FBN2: variants seen among roughly 807,000 people sequenced by gnomAD.
FBN2 encodes fibrillin-2.
Under a neutral mutation model 355.6 loss-of-function variants are expected in FBN2, and 105 were observed. The observed-to-expected ratio is 0.30, with a 90% CI of 0.25 to 0.35. FBN2 has a LOEUF of 0.35. Among genes scored for constraint, FBN2 ranks in the 10% least tolerant of loss-of-function variants. The pLI is 1.00. For synonymous variants in FBN2, 1,350 were observed against 1,301.2 expected, an observed-to-expected ratio of 1.04 and a Z score of -0.81; for missense variants, 3,280 against 3,758.7, an observed-to-expected ratio of 0.87 and a Z score of 3.33.
At chr5:128,280,910 T>C (rs1765522739) in intron 55 of FBN2, among the ~76,000 whole-genome samples, 1 of 152,228 alleles carries the variant, frequency 6.6e-6, no homozygotes, top group Admixed American at 6.5e-5. Context: ...TCTATATCCT[T>C]ACTTTTTGTG....
Position 128,310,065 on chromosome 5 carries a change from C to G in FBN2, c.5118G>C (p.Gly1706=), listed in dbSNP as rs1284156837. The change falls in exon 40 of 65, where the codon GGG becomes GGC. Residue 1706 remains glycine, a synonymous_variant. Coordinates refer to ENST00000262464, the MANE Select transcript of FBN2 (RefSeq NM_001999.4). Reference sequence around the variant, plus strand: ...AATTTCCCAGGGTGTTATAGCAGGTCCCAGGCCCACACACACCAGGATGTG... The same window carrying G: ...AATTTCCCAGGGTGTTATAGCAGGTGCCAGGCCCACACACACCAGGATGTG... ...CFAHPGVCGP[G]TCYNTLGNYT... is the part of the protein sequence containing the mutation. 1 of 1,613,550 alleles carries G rather than the reference C, an allele frequency of 6.2e-7. No individual in the cohort carries two copies. The highest frequency in any genetic ancestry group is 8.5e-7 in the Non-Finnish European group (1 of 1,179,620).
chr5:128,503,726 G>A (rs1281812080), intron 5 of FBN2, among the ~76,000 whole-genome samples: 2 of 152,168 alleles, frequency 1.3e-5, no homozygotes, highest in South Asian at 4.1e-4. Context: ...GAAAAAAATT[G>A]CAGCCTGACA....
intron 50 of FBN2, among the ~76,000 whole-genome samples, chr5:128,290,504 G>C (rs141945056): frequency 1.8e-3 from 270 of 152,284 alleles, no homozygotes; most frequent in Non-Finnish European, 3.2e-3. Flanking sequence ...TACTAACCTT[G>C]GAGGTGGGGA....
chr5:128,318,882 T>C lies in FBN2; in HGVS notation c.4591A>G (p.Thr1531Ala). 1 of 1,613,334 alleles carries C rather than the reference T, an allele frequency of 6.2e-7. No individual in the cohort carries two copies. Among genetic ancestry groups the C allele is most frequent in the Non-Finnish European group, 8.5e-7 (1 of 1,179,454 alleles). Residue 1531 changes from threonine (T) to alanine (A), a missense_variant, in exon 35 of 65, where the codon ACA becomes GCA. By Grantham distance (58) the Thr-to-Ala change is moderately conservative (BLOSUM62 0). Coordinates refer to ENST00000262464, the MANE Select transcript of FBN2 (RefSeq NM_001999.4). ...YELDRTGGNC[T>A]DIDECADPIN... is the part of the protein sequence containing the mutation. The stretch of plus-strand genomic sequence containing the variant: ...CTTAGCTGGTAACTGACCATACCTG[T>C]ACAGTTCCCTCCTGTTCTGTCCAAT...
At chr5:128,345,311 T>G in intron 24 of FBN2, 46 bp downstream of exon 24, 1 of 1,446,638 alleles carries the variant, frequency 6.9e-7, no homozygotes, top group South Asian at 1.1e-5. Flanking sequence ...TGTGGAAGGC[T>G]TCCTGTTGGT....
intron 40 of FBN2, 34 bp from the exon 41 acceptor site, chr5:128,309,433 G>T: frequency 6.3e-7 from 1 of 1,592,360 alleles, no homozygotes; most frequent in Non-Finnish European, 8.6e-7. Flanking sequence ...CTAGCCATTT[G>T]TATCCACGAG....
In FBN2 at chr5:128,414,159, C is replaced by G. The variant is rs115826222; in HGVS notation, c.953-5360G>C. Among the ~76,000 whole-genome samples the G allele has an allele frequency of 6.4e-3, 978 of 152,260 alleles. 12 individuals carry two copies. The highest frequency in any genetic ancestry group is 0.022 in the African/African-American group (917 of 41,562). On this transcript the variant is annotated intron_variant, in intron 7 of 64. Transcript: ENST00000262464. The stretch of plus-strand genomic sequence containing the variant: ...TGATTCACATGTCATACAATTCACA[C>G]ATTTAAAGTGTAAAACTCAAATGAT...
At chr5:128,336,340 C>T (rs916921961) in intron 27 of FBN2, among the ~76,000 whole-genome samples, 5 of 152,126 alleles carry the variant, frequency 3.3e-5, no homozygotes, top group South Asian at 4.1e-4. Flanking sequence ...CAAATCTATG[C>T]GGTCTAATAC....
At chr5:128,364,764 A>T (rs763281257) in intron 17 of FBN2, 39 bp from the exon 18 acceptor site, 7 of 1,572,342 alleles carry the variant, frequency 4.5e-6, no homozygotes, top group Admixed American at 1.7e-5. Flanking sequence ...ATCAACAAAC[A>T]TGTTATTGTT....
chr5:128,536,733 C>T (rs1315912392), intron 1 of FBN2, among the ~76,000 whole-genome samples: 1 of 152,096 alleles, frequency 6.6e-6, no homozygotes, highest in Admixed American at 6.5e-5. Context: ...TTTTAAAGGG[C>T]GAAAAGAGGC....
At chr5:128,315,382 T>C (rs1322269584) in intron 36 of FBN2, among the ~76,000 whole-genome samples, 2 of 152,310 alleles carry the variant, frequency 1.3e-5, no homozygotes, top group African/African-American at 2.4e-5. Flanking sequence ...ATATCCAGTT[T>C]GTAAAAACCG....
chr5:128,326,207 C>T (rs1750541428), intron 34 of FBN2, among the ~76,000 whole-genome samples: 1 of 152,152 alleles, frequency 6.6e-6, no homozygotes, highest in Admixed American at 6.6e-5. Flanking sequence ...TGATATCTTT[C>T]CTTCTTTATC....
At chr5:128,478,334 T>G (rs1044041398) in intron 5 of FBN2, among the ~76,000 whole-genome samples, 1 of 152,230 alleles carries the variant, frequency 6.6e-6, no homozygotes, top group African/African-American at 2.4e-5. Context: ...TGGGCTTTGC[T>G]GTCAGCTTTT....
rs569318362 is a variant in FBN2 at position 128,519,202 on chromosome 5, T to A, written c.628+71A>T. The A allele has an allele frequency of 5.0e-5, 52 of 1,039,256 alleles. No individual in the cohort carries two copies. The East Asian group carries it at 1.3e-3, about 26-fold the overall frequency. 64.4% of individuals were successfully genotyped at this position (1,039,256 alleles called of 1,614,324 possible). On this transcript the variant is annotated intron_variant, in intron 5 of 64. Transcript: ENST00000262464. ...TTTCATTAGCAGAATCTTCATTGAA[T>A]AGCAAAAAATTATACATTTTTACAA...
In FBN2 at chr5:128,286,736, C is replaced by T. The variant is rs886059894; in HGVS notation, c.6994G>A (p.Asp2332Asn). The T allele has an allele frequency of 3.8e-5, 62 of 1,614,020 alleles. No homozygotes were observed. The highest frequency in any genetic ancestry group is 4.7e-5 in the Non-Finnish European group (55 of 1,179,994). ...CGCTTACCTACACAGCCTTCTCCAT[C>T]GGGCCTTCGGGCCATTCCAGGAGGG... ...ICPPGMARRPDGEGCVDENEC... is the reference protein window; with the variant it reads ...ICPPGMARRPNGEGCVDENEC... The change falls in exon 55 of 65, where the codon GAT becomes AAT. Residue 2332 changes from aspartate (D) to asparagine (N), a missense_variant. By Grantham distance (23) the Asp-to-Asn change is conservative. Transcript: ENST00000262464.
chr5:128,343,493 C>G (rs916735052), intron 25 of FBN2, among the ~76,000 whole-genome samples: 32 of 152,150 alleles, frequency 2.1e-4, no homozygotes, highest in Non-Finnish European at 1.0e-4. Flanking sequence ...AAGGAGCAGG[C>G]AGGAGGGAGT....
At chr5:128,358,577 A>G (rs983512736) in intron 19 of FBN2, among the ~76,000 whole-genome samples, 1 of 152,130 alleles carries the variant, frequency 6.6e-6, no homozygotes, top group Admixed American at 6.5e-5. Context: ...TTGAAGAAAT[A>G]TGAATGTATT....
intron 48 of FBN2, among the ~76,000 whole-genome samples, chr5:128,297,894 T>G (rs1441475593): frequency 6.6e-6 from 1 of 152,000 alleles, no homozygotes; most frequent in Non-Finnish European, 1.5e-5. Flanking sequence ...GTTAGCTGGT[T>G]ATTTTGCTCG....
intron 4 of FBN2, 35 bp from the exon 5 acceptor site, chr5:128,519,403 G>T: frequency 6.6e-7 from 1 of 1,521,974 alleles, no homozygotes; most frequent in Non-Finnish European, 9.1e-7. Context: ...TCATTATATA[G>T]CCAGTCTCCA....
Sources: gnomAD v4.1 joint callset for allele counts (sites outside exome capture counted in the v4.1 genomes callset) on GRCh38, gnomAD v4.1.1 for gene constraint, MANE v1.5 for transcripts, NCBI Gene and HGNC (gene_info 2026-07-23, HGNC 2026-07-21) for gene names.